Variants in SEC63 observed in about 807,000 individuals in gnomAD.
SEC63 encodes the protein SEC63 protein translocation regulator, also known as translocation protein SEC63 homolog.
SEC63 carries 56 observed loss-of-function variants against 116.2 expected under a neutral mutation model. The ratio of observed to expected loss-of-function variants is 0.48; its 90% CI spans 0.39 to 0.60. SEC63 has a LOEUF of 0.60. Among genes scored for constraint, SEC63 ranks in the 20% least tolerant of loss-of-function variants. The pLI is 0.00. For synonymous variants in SEC63, 273 were observed against 294.6 expected (o/e 0.93, Z 0.75); for missense variants, 668 against 900.0 (o/e 0.74, Z 3.30).
Position 107,876,673 on chromosome 6 carries a change from A to AAAC in SEC63, c.1936-12_1936-11insGTT. The AAAC allele has an allele frequency of 7.9e-7, 1 of 1,269,244 alleles. No individual in the cohort carries two copies. The highest frequency in any genetic ancestry group is 1.1e-6 in the Non-Finnish European group (1 of 925,556). The allele number at this position is 1,269,244 out of a possible 1,614,324, so 78.6% of individuals were successfully genotyped here. ...CCATTCTTGTTTTTCCTGGAAACAA[A>AAAC]AAAAAAAAAAAAAAAAGAAGAGGGG... On this transcript the variant is annotated splice_polypyrimidine_tract_variant and intron_variant, in intron 18 of 20. Coordinates refer to ENST00000369002, the MANE Select transcript of SEC63 (RefSeq NM_007214.5).
chr6:107,869,625 A>C lies in SEC63; in HGVS notation c.*2079T>G, dbSNP rs191293627. The C allele has an allele frequency of 1.1e-4, 17 of 152,316 alleles. No individual in the cohort carries two copies. Among genetic ancestry groups the C allele is most frequent in the African/African-American group, 4.1e-4 (17 of 41,562 alleles). The allele number at this position is 152,316 out of a possible 1,614,324, so 9.4% of individuals were successfully genotyped here. On this transcript the variant is annotated 3_prime_UTR_variant, in exon 21 of 21. Coordinates refer to ENST00000369002, the MANE Select transcript of SEC63 (RefSeq NM_007214.5). ...TGGAGAGAGAAGAACTATCAACTGA[A>C]GGCTCAGTTCTTTCACTACTGCCAT... is the stretch of plus-strand genomic sequence containing the variant.
In SEC63 at chr6:107,906,532, G is replaced by C; in HGVS notation, c.877C>G (p.Leu293Val). ...GCCTTCAGGCTATATGGGCAGGTAA[G>C]TGGAGGCTCATTCTTCTTTAAATTA... ...SINLKKNEPPLTCPYSLKARV... is the reference protein window; with the variant it reads ...SINLKKNEPPVTCPYSLKARV... Residue 293 changes from leucine to valine, a missense_variant, in exon 10 of 21, where the codon CTT (leucine) becomes GTT (valine). Around this residue, in one of 5 missense-constraint regions of SEC63, gnomAD observed 430 missense variants for 557.5 expected, o/e 0.77. Coordinates refer to ENST00000369002, the MANE Select transcript of SEC63 (RefSeq NM_007214.5). 2.5e-6 allele frequency: 4 copies of C among 1,613,410 alleles called. No homozygotes were observed. The highest frequency in any genetic ancestry group is 1.1e-5 in the South Asian group (1 of 91,074).
intron 8 of SEC63, 63 bp downstream of exon 8, chr6:107,908,864 A>G (rs1787213090): frequency 1.1e-6 from 1 of 871,498 alleles, no homozygotes; most frequent in Non-Finnish European, 1.9e-6. Flanking sequence ...AGGAATATAT[A>G]TCAACCCCAC....
At chr6:107,900,114 T>C (rs1168688468) in intron 13 of SEC63, among the ~76,000 whole-genome samples, 1 of 152,096 alleles carries the variant, frequency 6.6e-6, no homozygotes, top group Non-Finnish European at 1.5e-5. Flanking sequence ...TGGTACAATG[T>C]CTGTGTCATT....
At chr6:107,880,844 G>A (rs1222318933) in intron 18 of SEC63, 2 of 253,220 alleles carry the variant, frequency 7.9e-6, no homozygotes, top group South Asian at 1.3e-4. Context: ...GTCTGATGAA[G>A]ACTGCCTAAT....
intron 18 of SEC63, 26 bp from the exon 19 acceptor site, chr6:107,876,688 A>AAT (rs779020589): frequency 5.7e-6 from 8 of 1,411,986 alleles, no homozygotes; most frequent in Non-Finnish European, 2.0e-6. Flanking sequence ...AAAAAAAAAA[A>AAT]AGAAGAGGGG....
Position 107,908,869 on chromosome 6 carries a change from C to A in SEC63, c.733+58G>T, listed in dbSNP as rs548856813. The A allele has an allele frequency of 2.4e-5, 22 of 907,672 alleles. No homozygotes were observed. In the South Asian group the frequency reaches 2.9e-4, roughly 12 times the overall value. 56.2% of individuals were successfully genotyped at this position (907,672 alleles called of 1,614,324 possible). A position where few individuals can be genotyped will look rare whatever the true frequency, so the allele number is the denominator to read the frequency against. ...TATAGAGTTAAGGAATATATATCAA[C>A]CCCACATAAGTCACAAAACAATGTG... On this transcript the variant is annotated intron_variant, in intron 8 of 20. Transcript: ENST00000369002.
At chr6:107,942,348 G>A (rs556583877) in intron 1 of SEC63, among the ~76,000 whole-genome samples, 2 of 152,302 alleles carry the variant, frequency 1.3e-5, no homozygotes, top group South Asian at 4.1e-4. Flanking sequence ...CCTCTGTACT[G>A]AAGTTCAAGG....
intron 1 of SEC63, among the ~76,000 whole-genome samples, chr6:107,954,003 T>C (rs1770648114): frequency 1.3e-5 from 2 of 152,060 alleles, no homozygotes; most frequent in Admixed American, 6.5e-5. Context: ...ATGATGACAA[T>C]GGCGGTTTTG....
At chr6:107,897,822 T>C (rs1786897228) in intron 13 of SEC63, 91 bp from the exon 14 acceptor site, 4 of 847,322 alleles carry the variant, frequency 4.7e-6, no homozygotes, top group Admixed American at 3.4e-5. Flanking sequence ...CAAATTAGTT[T>C]GGCACTTTAG....
intron 1 of SEC63, among the ~76,000 whole-genome samples, chr6:107,947,830 T>C (rs1403495232): frequency 6.6e-6 from 1 of 152,040 alleles, no homozygotes; most frequent in Non-Finnish European, 1.5e-5. Flanking sequence ...CTCCATCTAG[T>C]TTCCCACCCA....
At chr6:107,924,382 T>A (rs1217085621) in intron 3 of SEC63, among the ~76,000 whole-genome samples, 1 of 151,594 alleles carries the variant, frequency 6.6e-6, no homozygotes, top group African/African-American at 2.4e-5. Flanking sequence ...ATCGAGACCA[T>A]CCTGGCTAAC....
intron 1 of SEC63, among the ~76,000 whole-genome samples, chr6:107,939,472 T>C (rs1447011799): frequency 6.6e-6 from 1 of 151,882 alleles, no homozygotes; most frequent in Non-Finnish European, 1.5e-5. Context: ...CAAATTGAAC[T>C]ATCAAAAAAA....
chr6:107,883,069 A>C lies in SEC63; in HGVS notation c.1752T>G (p.Asp584Glu). 6.2e-7 allele frequency: 1 copy of C among 1,613,234 alleles called. No individual in the cohort carries two copies. Among genetic ancestry groups the C allele is most frequent in the Non-Finnish European group, 8.5e-7 (1 of 1,179,698 alleles). ...TACCATCATCTTTCTCACTTTGGGA[A>C]TCTCTATTGGTTTCTTCTTCTTCAG... ...SDSEEEETNR[D>E]SQSEKDDGSD... Residue 584 changes from aspartate to glutamate, a missense_variant, in exon 17 of 21, where the codon GAT becomes GAG. This residue lies in a region of SEC63 where 430 missense variants were observed against 557.5 expected (regional missense o/e 0.77). Coordinates refer to ENST00000369002, the MANE Select transcript of SEC63 (RefSeq NM_007214.5).
At chr6:107,896,871 C>G (rs560567553) in intron 14 of SEC63, among the ~76,000 whole-genome samples, 1 of 151,466 alleles carries the variant, frequency 6.6e-6, no homozygotes, top group Admixed American at 6.6e-5. Flanking sequence ...CCCAGCTACT[C>G]GGGAGGCTGA....
At chr6:107,902,700 C>G in intron 12 of SEC63, 144 bp downstream of exon 12, 1 of 771,032 alleles carries the variant, frequency 1.3e-6, no homozygotes, top group Non-Finnish European at 2.2e-6. Flanking sequence ...TTAACAGAAC[C>G]ACCTGAGAGA....
At chr6:107,954,964 C>T (rs138957091) in intron 1 of SEC63, among the ~76,000 whole-genome samples, 478 of 152,270 alleles carry the variant, frequency 3.1e-3, no homozygotes, top group African/African-American at 0.011. Context: ...ACAAATACAT[C>T]AAAATATGCA....
At chr6:107,941,770 C>T (rs1338080195) in intron 1 of SEC63, among the ~76,000 whole-genome samples, 1 of 152,196 alleles carries the variant, frequency 6.6e-6, no homozygotes, top group Non-Finnish European at 1.5e-5. Flanking sequence ...AGAGGGCTGC[C>T]CTGCTGCTTC....
chr6:107,951,896 C>T (rs1168820854), intron 1 of SEC63, among the ~76,000 whole-genome samples: 2 of 151,580 alleles, frequency 1.3e-5, no homozygotes, highest in African/African-American at 4.9e-5. Flanking sequence ...TGGGGTGAAC[C>T]CAGGAGGCAG....
Sources: allele counts gnomAD v4.1 joint callset (sites outside exome capture counted in the v4.1 genomes callset), GRCh38; gene constraint gnomAD v4.1.1; regional missense constraint gnomAD v4.1.1; transcripts MANE v1.5; gene names NCBI Gene and HGNC (gene_info 2026-07-23, HGNC 2026-07-21).